IQSEC1: variants seen among roughly 807,000 people sequenced by gnomAD.
IQSEC1 encodes IQ motif and Sec7 domain ArfGEF 1.
In IQSEC1, 31 loss-of-function variants were observed where a neutral mutation model predicts 91.0. The observed-to-expected ratio is 0.34, with a 90% CI of 0.26 to 0.46. The LOEUF (loss-of-function observed/expected upper bound fraction) is 0.46, where lower values mean the gene tolerates loss of function less well. Ranked by LOEUF, IQSEC1 falls within the 20% of genes least tolerant of loss-of-function variation. The pLI is 1.00. For missense variants in IQSEC1, 1,388 were observed against 1,575.6 expected, an observed-to-expected ratio of 0.88 and a Z score of 2.02; for synonymous variants, 699 against 662.6, an observed-to-expected ratio of 1.05 and a Z score of -0.84.
chr3:13,250,612 ATTTT>A (rs554584754), intron 1 of IQSEC1, among the ~76,000 whole-genome samples: 10,186 of 109,130 alleles, frequency 0.093, 501 homozygotes, highest in African/African-American at 0.29. Context: ...AATTTATTTT[ATTTT>A]ATTTTATTTT....
chr3:12,957,535 G>A (rs185875306), intron 1 of IQSEC1, among the ~76,000 whole-genome samples: 5 of 152,344 alleles, frequency 3.3e-5, no homozygotes, highest in East Asian at 3.9e-4. Flanking sequence ...CTCTGTGGCA[G>A]GCTCCAGCAG....
chr3:13,064,858 T>A (rs1705182720), intron 1 of IQSEC1, among the ~76,000 whole-genome samples: 1 of 152,262 alleles, frequency 6.6e-6, no homozygotes, highest in Non-Finnish European at 1.5e-5. Flanking sequence ...TGCTCCCACA[T>A]GCCCTCTGGC....
rs1394548637 is a variant in IQSEC1, at chr3:13,056,354, A to C, written c.23+16638T>G. On this transcript the variant is annotated intron_variant, in intron 1 of 13. Transcript: ENST00000613206. ...CTGGCACCACCCCATCTACAGGGCAAATACAGCTTCCAGCAAACCCTCTAG... is the reference window on the plus strand; with the variant it reads ...CTGGCACCACCCCATCTACAGGGCACATACAGCTTCCAGCAAACCCTCTAG... 4.6e-5 allele frequency among the ~76,000 whole-genome samples: 7 copies of C among 151,212 alleles called. No homozygotes were observed. The South Asian group carries it at 1.5e-3, about 32-fold the overall frequency.
intron 2 of IQSEC1, among the ~76,000 whole-genome samples, chr3:12,938,840 C>T (rs556055176): frequency 5.9e-5 from 9 of 152,210 alleles, no homozygotes; most frequent in East Asian, 1.9e-4. Flanking sequence ...GTGTTGGGGG[C>T]GAAGGGACTT....
chr3:13,111,450 C>G (rs1237030302), intron 2 of IQSEC1, among the ~76,000 whole-genome samples: 1 of 152,184 alleles, frequency 6.6e-6, no homozygotes, highest in African/African-American at 2.4e-5. Flanking sequence ...CAGGGCTATT[C>G]TGGGATTGTT....
At chr3:13,184,416 T>A (rs1445587635) in intron 1 of IQSEC1, among the ~76,000 whole-genome samples, 4 of 152,228 alleles carry the variant, frequency 2.6e-5, no homozygotes, top group African/African-American at 9.7e-5. Context: ...CACTGATTCA[T>A]GATGAGAATT....
At chr3:13,234,490 C>A (rs1694891159) in intron 1 of IQSEC1, among the ~76,000 whole-genome samples, 1 of 152,176 alleles carries the variant, frequency 6.6e-6, no homozygotes, top group Non-Finnish European at 1.5e-5. Flanking sequence ...TGGGAGACCC[C>A]CTCCCTTCCC....
Position 13,236,959 on chromosome 3 carries a change from G to A in IQSEC1, c.272+45752C>T, listed in dbSNP as rs371141049. ...TTGTCTGAGGCCGAGGGCCCGGCCC[G>A]GGCGCACTGGGTGGCCCCACACCTG... On this transcript the variant is annotated intron_variant, in intron 1 of 15. Transcript: ENST00000648114. 7.7e-4 allele frequency among the ~76,000 whole-genome samples: 118 copies of A among 152,314 alleles called. No homozygotes were observed. In the East Asian group the frequency reaches 8.3e-3, roughly 11 times the overall value.
chr3:12,907,851 C>T (rs1444386826), intron 12 of IQSEC1, among the ~76,000 whole-genome samples: 1 of 152,264 alleles, frequency 6.6e-6, no homozygotes, highest in East Asian at 1.9e-4. Flanking sequence ...TGCTCAATGG[C>T]CTCTGGGCTG....
Position 13,211,030 on chromosome 3 carries a change from A to T in IQSEC1, c.273-46897T>A, listed in dbSNP as rs556469530. On this transcript the variant is annotated intron_variant, in intron 1 of 15. Transcript: ENST00000648114. The surrounding 1 kb of genome is among the most constrained non-coding windows in gnomAD (Gnocchi z 5.3). Reference sequence around the variant, plus strand: ...CACTTGAGAGAGACAAGAGTCTGCTAGAAGGTAGAGACCTTGTATGCTGTT... The same window carrying T: ...CACTTGAGAGAGACAAGAGTCTGCTTGAAGGTAGAGACCTTGTATGCTGTT... Among the ~76,000 whole-genome samples, 15 of 152,350 alleles carry T rather than the reference A, an allele frequency of 9.8e-5. No individual in the cohort carries two copies. Among genetic ancestry groups the T allele is most frequent in the African/African-American group, 3.6e-4 (15 of 41,578 alleles).
chr3:13,073,603 G>T (rs1455475626), upstream of IQSEC1, among the ~76,000 whole-genome samples: 1 of 152,242 alleles, frequency 6.6e-6, no homozygotes, highest in Non-Finnish European at 1.5e-5. Context: ...GGGGCGCGGG[G>T]CGCCGGCCCC....
chr3:12,972,426 T>C (rs1247412423), intron 1 of IQSEC1, among the ~76,000 whole-genome samples: 1 of 152,166 alleles, frequency 6.6e-6, no homozygotes, highest in African/African-American at 2.4e-5. Context: ...CGCTTGATGG[T>C]ACTTAAGCCA....
intron 1 of IQSEC1, among the ~76,000 whole-genome samples, chr3:13,274,632 A>G (rs1695646186): frequency 6.6e-6 from 1 of 152,258 alleles, no homozygotes; most frequent in Non-Finnish European, 1.5e-5. Flanking sequence ...GCATGAATGA[A>G]GACGTGAACA....
At chr3:13,006,021 C>G (rs533168529) in intron 1 of IQSEC1, among the ~76,000 whole-genome samples, 1 of 152,328 alleles carries the variant, frequency 6.6e-6, no homozygotes, top group South Asian at 2.1e-4. Flanking sequence ...AACTTTTTGA[C>G]TTTGTATATA....
intron 1 of IQSEC1, among the ~76,000 whole-genome samples, chr3:13,061,176 G>A (rs556624567): frequency 1.3e-5 from 2 of 152,254 alleles, no homozygotes; most frequent in South Asian, 2.1e-4. Flanking sequence ...CCACGAGGCT[G>A]GGAATGACCC....
intron 1 of IQSEC1, chr3:13,053,115 G>T: frequency 2.3e-6 from 2 of 877,806 alleles, no homozygotes; most frequent in African/African-American, 1.6e-5. Flanking sequence ...AGTCTTGTGA[G>T]AAGACATGGC....
chr3:12,935,920 G>A lies in IQSEC1; in HGVS notation c.1096C>T (p.Leu366Phe), dbSNP rs1357936197. The A allele has an allele frequency of 6.2e-7, 1 of 1,600,544 alleles. No individual in the cohort carries two copies. Reference sequence around the variant, plus strand: ...CTGTCGCTGGGTGGCTCGATGGTGAGCAGCGGCAGATGCTCCACCCGCAGC... The same window carrying A: ...CTGTCGCTGGGTGGCTCGATGGTGAACAGCGGCAGATGCTCCACCCGCAGC... Reference protein sequence around the residue: ...QRLRVEHLPLLTIEPPSDSSV... With the variant: ...QRLRVEHLPLFTIEPPSDSSV... The change falls in exon 3 of 14, where the codon CTC (leucine) becomes TTC (phenylalanine). Residue 366 changes from leucine to phenylalanine, a missense_variant. Around this residue, in one of 2 missense-constraint regions of IQSEC1, gnomAD observed 1,059 missense variants for 1,317.8 expected, o/e 0.80. Transcript: ENST00000613206. This position sits in a 1 kb window ranked among gnomAD's most constrained non-coding sequence, Gnocchi z 8.0.
chr3:13,238,383 C>A (rs960083257), intron 1 of IQSEC1, among the ~76,000 whole-genome samples: 3 of 152,204 alleles, frequency 2.0e-5, no homozygotes, highest in African/African-American at 7.2e-5. Context: ...AGCACACTTG[C>A]CATTCCCTCT....
rs1291155414 is a variant in IQSEC1 at position 12,922,761 on chromosome 3, C to A, written c.1731-519G>T. 6.6e-6 allele frequency among the ~76,000 whole-genome samples: 1 copy of A among 152,114 alleles called. No homozygotes were observed. Among genetic ancestry groups the A allele is most frequent in the Non-Finnish European group, 1.5e-5 (1 of 68,006 alleles). On this transcript the variant is annotated intron_variant, in intron 4 of 13. Transcript: ENST00000613206. The surrounding 1 kb of genome is among the most constrained non-coding windows in gnomAD (Gnocchi z 5.1). The stretch of plus-strand genomic sequence containing the variant: ...TGCTTTTCCAGGGACTTGAAAGGGC[C>A]ATGCACCCTCATCTGTGGGGCAGGG...
Sources: allele counts gnomAD v4.1 joint callset (sites outside exome capture counted in the v4.1 genomes callset), GRCh38; gene constraint gnomAD v4.1.1; regional missense constraint gnomAD v4.1.1; non-coding constraint Gnocchi (gnomAD v3.1); transcripts MANE v1.5; gene names NCBI Gene and HGNC (gene_info 2026-07-23, HGNC 2026-07-21).